Variants in SLC25A21 observed in about 807,000 individuals in gnomAD.
The protein encoded by SLC25A21 is mitochondrial 2-oxodicarboxylate carrier.
Under a neutral mutation model 43.8 loss-of-function variants are expected in SLC25A21, and 47 were observed. The observed-to-expected ratio is 1.07, with a 90% confidence interval of 0.85 to 1.37. The LOEUF (loss-of-function observed/expected upper bound fraction) is 1.37. Ranked by LOEUF, SLC25A21 falls within the 40% of genes most tolerant of loss-of-function variation. SLC25A21 has a pLI of 0.00. For missense variants in SLC25A21, 352 were observed against 350.2 expected, an observed-to-expected ratio of 1.00 and a Z score of -0.04; for synonymous variants, 131 against 121.3, an observed-to-expected ratio of 1.08 and a Z score of -0.52.
intron 1 of SLC25A21, among the ~76,000 whole-genome samples, chr14:36,990,082 C>T (rs1460422180): frequency 6.6e-6 from 1 of 151,914 alleles, no homozygotes; most frequent in Admixed American, 6.6e-5. Context: ...TAAGAAAGAG[C>T]TGAATGAAAA....
At chr14:36,984,061 A>G (rs1012429000) in intron 1 of SLC25A21, among the ~76,000 whole-genome samples, 1 of 152,152 alleles carries the variant, frequency 6.6e-6, no homozygotes, top group African/African-American at 2.4e-5. Flanking sequence ...TAGGTTCACT[A>G]AAAGCCCAAA....
At chr14:36,706,513 C>T (rs74044941) in intron 7 of SLC25A21, among the ~76,000 whole-genome samples, 6 of 151,970 alleles carry the variant, frequency 3.9e-5, no homozygotes, top group Non-Finnish European at 8.8e-5. Context: ...ACATCCAACC[C>T]ACGGACTTAA....
chr14:36,944,064 T>C (rs1268393458), intron 1 of SLC25A21, among the ~76,000 whole-genome samples: 4 of 152,046 alleles, frequency 2.6e-5, no homozygotes, highest in South Asian at 4.1e-4. Flanking sequence ...TTCATACATA[T>C]AAAAATTCTG....
intron 1 of SLC25A21, among the ~76,000 whole-genome samples, chr14:37,064,618 C>G (rs923847754): frequency 2.0e-5 from 3 of 152,074 alleles, no homozygotes; most frequent in African/African-American, 7.2e-5. Context: ...ATACACAAAC[C>G]AGACTGTACC....
At chr14:36,888,563 A>C (rs1890989445) in intron 1 of SLC25A21, among the ~76,000 whole-genome samples, 1 of 152,142 alleles carries the variant, frequency 6.6e-6, no homozygotes, top group African/African-American at 2.4e-5. Context: ...AATATGTATG[A>C]ATATGTGAGA....
chr14:37,123,473 TCTGA>T (rs1200735732), intron 1 of SLC25A21, among the ~76,000 whole-genome samples: 11 of 152,318 alleles, frequency 7.2e-5, no homozygotes, highest in Non-Finnish European at 1.5e-4. Flanking sequence ...AGATACTCCC[TCTGA>T]CTAAGCCTTC....
At chr14:36,977,957 A>T (rs866496494) in intron 1 of SLC25A21, among the ~76,000 whole-genome samples, 4,684 of 143,174 alleles carry the variant, frequency 0.033, 246 homozygotes, top group African/African-American at 0.11. Flanking sequence ...TTTTTTTTAA[A>T]AAAAAAAAAA....
At chr14:36,745,025 C>T (rs189271361) in intron 3 of SLC25A21, among the ~76,000 whole-genome samples, 4 of 145,888 alleles carry the variant, frequency 2.7e-5, no homozygotes, top group African/African-American at 1.0e-4. Flanking sequence ...CACCCTCCAA[C>T]ATGTTCCCCT....
intron 1 of SLC25A21, among the ~76,000 whole-genome samples, chr14:37,009,793 T>C (rs1416466607): frequency 6.6e-6 from 1 of 152,158 alleles, no homozygotes; most frequent in East Asian, 1.9e-4. Context: ...GTTCAGGTAT[T>C]AATGTTCACC....
chr14:36,939,742 T>C (rs554814999), intron 1 of SLC25A21, among the ~76,000 whole-genome samples: 71 of 152,248 alleles, frequency 4.7e-4, no homozygotes, highest in South Asian at 8.3e-4. Context: ...TTACGTTTTA[T>C]TAAGCTCATT....
chr14:36,898,882 TAA>T (rs1338284509), intron 1 of SLC25A21, among the ~76,000 whole-genome samples: 4 of 152,198 alleles, frequency 2.6e-5, no homozygotes, highest in African/African-American at 9.7e-5. Context: ...ATGATGACTT[TAA>T]TTAACAAAAT....
intron 1 of SLC25A21, among the ~76,000 whole-genome samples, chr14:36,947,319 A>G (rs1283492314): frequency 6.6e-6 from 1 of 152,232 alleles, no homozygotes; most frequent in African/African-American, 2.4e-5. Flanking sequence ...AAACCAGAGA[A>G]GGTTCATAAT....
At chr14:36,946,296 A>G (rs556267554) in intron 1 of SLC25A21, among the ~76,000 whole-genome samples, 3 of 152,306 alleles carry the variant, frequency 2.0e-5, no homozygotes, top group African/African-American at 7.2e-5. Flanking sequence ...GGTATGTTCA[A>G]GAATTAAGTC....
At chr14:36,922,955 A>C (rs1892022499) in intron 1 of SLC25A21, among the ~76,000 whole-genome samples, 1 of 152,154 alleles carries the variant, frequency 6.6e-6, no homozygotes, top group African/African-American at 2.4e-5. Flanking sequence ...AATTATACAG[A>C]CACTGGAAAG....
chr14:37,123,781 G>A (rs1356643663), intron 1 of SLC25A21, among the ~76,000 whole-genome samples: 1 of 152,110 alleles, frequency 6.6e-6, no homozygotes, highest in Non-Finnish European at 1.5e-5. Context: ...AGCACTTTGG[G>A]AGGCTAAGGC....
intron 2 of SLC25A21, among the ~76,000 whole-genome samples, chr14:36,839,835 G>A (rs1889327177): frequency 6.6e-6 from 1 of 152,210 alleles, no homozygotes; most frequent in Non-Finnish European, 1.5e-5. Flanking sequence ...GCATGTTACT[G>A]CTGGATATTG....
rs574003387 is a variant in SLC25A21, at chr14:36,680,177, A to G, written c.*481T>C. The G allele has an allele frequency of 4.8e-6, 4 of 833,736 alleles. No homozygotes were observed. The East Asian group carries it at 3.8e-4, about 78-fold the overall frequency. The allele number at this position is 833,736 out of a possible 1,614,324, so 51.6% of individuals were successfully genotyped here. ...AAAATTTTTCTTGTGCTCTTTAAAT[A>G]TTATTTATGGAATAATTTAATTCAT... On this transcript the variant is annotated 3_prime_UTR_variant, in exon 10 of 10. Coordinates refer to ENST00000331299, the MANE Select transcript of SLC25A21 (RefSeq NM_030631.4).
intron 3 of SLC25A21, among the ~76,000 whole-genome samples, chr14:36,764,783 T>C (rs1886349903): frequency 6.6e-6 from 1 of 152,138 alleles, no homozygotes; most frequent in Admixed American, 6.5e-5. Flanking sequence ...TCCTTAGTAA[T>C]GGGAGGCGGT....
intron 1 of SLC25A21, among the ~76,000 whole-genome samples, chr14:37,133,276 T>C (rs1474103641): frequency 1.3e-5 from 2 of 151,980 alleles, no homozygotes; most frequent in African/African-American, 2.4e-5. Context: ...TACTGAACAA[T>C]TCCAACCTCA....
Sources: allele counts gnomAD v4.1 joint callset (sites outside exome capture counted in the v4.1 genomes callset), GRCh38; gene constraint gnomAD v4.1.1; transcripts MANE v1.5; gene names NCBI Gene and HGNC (gene_info 2026-07-23, HGNC 2026-07-21).